The following GPC5 variants were observed in gnomAD, a reference collection of about 807,000 sequenced individuals.
The protein encoded by GPC5 is glypican-5.
A neutral mutation model predicts 53.9 loss-of-function variants in GPC5; 47 were observed. The ratio of observed to expected loss-of-function variants is 0.87; its 90% confidence interval spans 0.69 to 1.11. The LOEUF (loss-of-function observed/expected upper bound fraction) is 1.11. Ranked by LOEUF, GPC5 falls within the 50% of genes most tolerant of loss-of-function variation. The pLI is 0.00. For synonymous variants in GPC5, 286 were observed against 263.3 expected (o/e 1.09, Z -0.84); for missense variants, 748 against 713.1 (o/e 1.05, Z -0.56).
At chr13:92,256,708 T>C (rs576583807) in intron 7 of GPC5, among the ~76,000 whole-genome samples, 2 of 152,162 alleles carry the variant, frequency 1.3e-5, no homozygotes, top group Non-Finnish European at 2.9e-5. Context: ...AAAAGCAATA[T>C]TTTAGTCAGT....
intron 7 of GPC5, among the ~76,000 whole-genome samples, chr13:92,646,224 C>A (rs1885760910): frequency 6.6e-6 from 1 of 152,002 alleles, no homozygotes; most frequent in Non-Finnish European, 1.5e-5. Context: ...TGAGGATCAA[C>A]ACTCATCTTT....
chr13:91,571,869 A>G (rs74853843), intron 2 of GPC5, among the ~76,000 whole-genome samples: 1,361 of 74,388 alleles, frequency 0.018, 143 homozygotes, highest in South Asian at 0.055. Flanking sequence ...ACGTGTGTGT[A>G]TATATACACA....
chr13:91,884,359 T>C (rs2039300556), intron 5 of GPC5, among the ~76,000 whole-genome samples: 1 of 152,160 alleles, frequency 6.6e-6, no homozygotes, highest in African/African-American at 2.4e-5. Context: ...TAAATGCCCA[T>C]CAATGGTATA....
At chr13:92,167,848 T>G (rs1282230816) in intron 7 of GPC5, among the ~76,000 whole-genome samples, 2 of 148,722 alleles carry the variant, frequency 1.3e-5, no homozygotes, top group African/African-American at 5.0e-5. Flanking sequence ...TTTAGTTCAG[T>G]ATCAGTTTTC....
intron 2 of GPC5, among the ~76,000 whole-genome samples, chr13:91,564,991 T>TC (rs1242946195): frequency 8.7e-5 from 1 of 11,514 alleles, no homozygotes; most frequent in Admixed American, 1.2e-3. Context: ...GTGGCTTTTT[T>TC]TTGGGGGGGG....
At chr13:91,508,860 A>C (rs1331375998) in intron 2 of GPC5, among the ~76,000 whole-genome samples, 2 of 152,180 alleles carry the variant, frequency 1.3e-5, no homozygotes. Context: ...TAGGCAGCTG[A>C]GGATCTGGGC....
chr13:92,737,760 C>CTTT (rs1403603549), intron 7 of GPC5, among the ~76,000 whole-genome samples: 3 of 62,484 alleles, frequency 4.8e-5, no homozygotes, highest in African/African-American at 1.6e-4. Flanking sequence ...TTTTTTTTTT[C>CTTT]TTTTTCTTTT....
chr13:91,898,036 C>A (rs2039461481), intron 5 of GPC5, among the ~76,000 whole-genome samples: 1 of 152,172 alleles, frequency 6.6e-6, no homozygotes, highest in Non-Finnish European at 1.5e-5. Flanking sequence ...ACCATTCAGT[C>A]TTCTAAGTTA....
At chr13:92,841,003 G>A (rs915115805) in intron 7 of GPC5, among the ~76,000 whole-genome samples, 1 of 152,024 alleles carries the variant, frequency 6.6e-6, no homozygotes, top group Non-Finnish European at 1.5e-5. Context: ...GGGATTTTTT[G>A]TGTGGTATCT....
At chr13:91,738,505 C>T (rs1343842513) in intron 4 of GPC5, among the ~76,000 whole-genome samples, 2 of 151,294 alleles carry the variant, frequency 1.3e-5, no homozygotes, top group South Asian at 2.1e-4. Flanking sequence ...CTTTTGTATA[C>T]AGAAACATAC....
At chr13:92,240,339 G>A (rs1398857813) in intron 7 of GPC5, 1 of 151,550 alleles carries the variant, frequency 6.6e-6, no homozygotes, top group Non-Finnish European at 1.5e-5. Context: ...GCAATTCTTA[G>A]CATCTAATTG....
chr13:92,393,870 C>A (rs1875136981), intron 7 of GPC5, among the ~76,000 whole-genome samples: 1 of 152,232 alleles, frequency 6.6e-6, no homozygotes, highest in Admixed American at 6.5e-5. Flanking sequence ...AAATAAAAAT[C>A]TAAAAGCTGT....
At chr13:92,567,968 A>C (rs529304262) in intron 7 of GPC5, among the ~76,000 whole-genome samples, 1 of 152,288 alleles carries the variant, frequency 6.6e-6, no homozygotes, top group East Asian at 1.9e-4. Flanking sequence ...GTAGAAATTG[A>C]AAAAGAAATA....
At chr13:92,048,423 A>G (rs552989850) in intron 6 of GPC5, among the ~76,000 whole-genome samples, 5 of 152,326 alleles carry the variant, frequency 3.3e-5, no homozygotes, top group African/African-American at 1.2e-4. Flanking sequence ...CAGAGGAACT[A>G]AAATGAAAAC....
chr13:92,330,792 C>A (rs2139235168), intron 7 of GPC5, among the ~76,000 whole-genome samples: 1 of 152,236 alleles, frequency 6.6e-6, no homozygotes, highest in African/African-American at 2.4e-5. Flanking sequence ...GAACACAGAG[C>A]ACCTAACTCA....
intron 2 of GPC5, among the ~76,000 whole-genome samples, chr13:91,562,449 C>G (rs2031320467): frequency 6.6e-6 from 1 of 151,526 alleles, no homozygotes; most frequent in South Asian, 2.1e-4. Context: ...ATGATTAAAC[C>G]ATTCTTTCTT....
chr13:92,495,748 C>A (rs1879953376), intron 7 of GPC5, among the ~76,000 whole-genome samples: 1 of 151,306 alleles, frequency 6.6e-6, no homozygotes. Context: ...CCTATTTATA[C>A]CCTCACTGAA....
chr13:91,876,540 G>A (rs1004106890), intron 5 of GPC5, among the ~76,000 whole-genome samples: 5 of 152,170 alleles, frequency 3.3e-5, no homozygotes, highest in African/African-American at 1.2e-4. Flanking sequence ...AGAGATTTGT[G>A]GAACTTTGAA....
chr13:92,449,008 A>C (rs1489417112), intron 7 of GPC5: 1 of 151,128 alleles, frequency 6.6e-6, no homozygotes, highest in East Asian at 1.9e-4. Context: ...TAATTCATCC[A>C]TATGTTCAAG....
Sources: allele counts gnomAD v4.1 joint callset (sites outside exome capture counted in the v4.1 genomes callset), GRCh38; gene constraint gnomAD v4.1.1; transcripts MANE v1.5; gene names NCBI Gene and HGNC (gene_info 2026-07-23, HGNC 2026-07-21).